The following NEK4 variants were observed in gnomAD, a reference collection of about 807,000 sequenced individuals.
The protein encoded by NEK4 is serine/threonine-protein kinase Nek4.
In NEK4, 86 loss-of-function variants were observed where a neutral mutation model predicts 98.4. The observed-to-expected ratio is 0.87, with a 90% CI of 0.73 to 1.05. NEK4 has a LOEUF of 1.05. NEK4 is among the 50% of genes least tolerant of loss of function. NEK4 has a pLI of 0.00. For synonymous variants in NEK4, 328 were observed against 342.2 expected (o/e 0.96, Z 0.46); for missense variants, 898 against 950.3 (o/e 0.94, Z 0.72).
In NEK4 at chr3:52,746,895, C is replaced by G. The variant is rs947499784; in HGVS notation, c.1516G>C (p.Ala506Pro). ...GVCHHAQDQV[A>P]GECIIEKQGR... The stretch of plus-strand genomic sequence containing the variant: ...TGTTTTTCTATAATACATTCACCAG[C>G]AACTTGATCCTTAAAAACAATAAAA... The change falls in exon 9 of 16, where the codon GCT becomes CCT. Residue 506 changes from alanine to proline, a missense_variant. By Grantham distance (27) the Ala-to-Pro change is conservative (BLOSUM62 -1). Transcript: ENST00000233027. 5.6e-6 allele frequency: 9 copies of G among 1,611,610 alleles called. No individual in the cohort carries two copies. Among genetic ancestry groups the G allele is most frequent in the Non-Finnish European group, 7.6e-6 (9 of 1,178,126 alleles).
Position 52,711,579 on chromosome 3 carries a change from G to GT in NEK4, c.*197dup. On this transcript the variant is annotated 3_prime_UTR_variant, in exon 16 of 16. Transcript: ENST00000233027. Reference sequence around the variant, plus strand: ...TCACAAAGAGAATATGAAAGCCAAAGTTTTTTTTCTTTTGTGATCCTGCTT... The same window carrying GT: ...TCACAAAGAGAATATGAAAGCCAAAGTTTTTTTTTCTTTTGTGATCCTGCTT... The GT allele has an allele frequency of 3.1e-5, 13 of 420,798 alleles. No homozygotes were observed. Among genetic ancestry groups the GT allele is most frequent in the Non-Finnish European group, 4.2e-5 (10 of 236,124 alleles). 26.1% of individuals were successfully genotyped at this position (420,798 alleles called of 1,614,324 possible).
chr3:52,720,326 C>CA (rs1010550001), intron 15 of NEK4, among the ~76,000 whole-genome samples: 9 of 144,840 alleles, frequency 6.2e-5, no homozygotes, highest in Non-Finnish European at 9.1e-5. Flanking sequence ...GACTCTGTCT[C>CA]AAAAAAAAGA....
chr3:52,715,318 C>T (rs35526119), intron 15 of NEK4, among the ~76,000 whole-genome samples: 69,336 of 152,062 alleles, frequency 0.46, 16,123 homozygotes, highest in Admixed American at 0.52. Context: ...TCAAGATGAG[C>T]GGGGCTAAAT....
At chr3:52,754,385 G>T in intron 6 of NEK4, 2 of 457,380 alleles carry the variant, frequency 4.4e-6, no homozygotes, top group South Asian at 1.9e-5. Context: ...CTACAAGATT[G>T]ATACAAAAAG....
At chr3:52,754,389 C>T (rs1489947182) in intron 6 of NEK4, 7 of 460,602 alleles carry the variant, frequency 1.5e-5, no homozygotes, top group Non-Finnish European at 2.2e-5. Flanking sequence ...AAGATTGATA[C>T]AAAAAGCCCC....
At chr3:52,758,320 G>C (rs1420168255) in intron 6 of NEK4, among the ~76,000 whole-genome samples, 2 of 151,894 alleles carry the variant, frequency 1.3e-5, no homozygotes, top group Non-Finnish European at 2.9e-5. Flanking sequence ...ATGAAGATGA[G>C]GGGTGATGGC....
At chr3:52,719,276 G>C (rs1019577877) in intron 15 of NEK4, among the ~76,000 whole-genome samples, 1 of 152,172 alleles carries the variant, frequency 6.6e-6, no homozygotes, top group African/African-American at 2.4e-5. Flanking sequence ...ATTCATTGGA[G>C]ATGTAAACTA....
chr3:52,770,702 C>G lies in NEK4; in HGVS notation c.45G>C (p.Gly15=). ...AYCYLRVVGK[G]SYGEVTLVKH... is the part of the protein sequence containing the mutation. ...TCACAAGCGTCACCTCTCCATAGCTCCCCTTGCCCACGACCCGCAGGTAGC... is the reference window on the plus strand; with the variant it reads ...TCACAAGCGTCACCTCTCCATAGCTGCCCTTGCCCACGACCCGCAGGTAGC... Residue 15 remains glycine (G), a synonymous_variant, in exon 1 of 16, where the codon GGG becomes GGC. Coordinates refer to ENST00000233027, the MANE Select transcript of NEK4 (RefSeq NM_003157.6). 6.3e-7 allele frequency: 1 copy of G among 1,578,244 alleles called. No individual in the cohort carries two copies. Among genetic ancestry groups the G allele is most frequent in the Non-Finnish European group, 8.6e-7 (1 of 1,163,144 alleles).
At chr3:52,723,040 C>CA (rs1378513659) in intron 15 of NEK4, among the ~76,000 whole-genome samples, 6 of 151,802 alleles carry the variant, frequency 4.0e-5, no homozygotes, top group Non-Finnish European at 8.8e-5. Context: ...CCTGTCTCTA[C>CA]AAAAAAATTT....
intron 15 of NEK4, chr3:52,734,875 T>A: frequency 3.7e-6 from 1 of 268,532 alleles, no homozygotes; most frequent in Non-Finnish European, 7.3e-6. Flanking sequence ...TAAAGGCTTG[T>A]GAACTGAAAC....
Position 52,763,503 on chromosome 3 carries a change from C to A in NEK4, c.788G>T (p.Arg263Leu). ...RSILRQPYIK[R>L]QISFFLEATK... ...GGCCTCCAAAAAGAAGGAGATTTGC[C>A]GCTTTATATAAGGCTGCCTCAGGAT... Residue 263 changes from arginine to leucine, a missense_variant, in exon 5 of 16, where the codon CGG (arginine) becomes CTG (leucine). Physicochemically the swap from Arg to Leu is moderately radical, Grantham distance 102. Coordinates refer to ENST00000233027, the MANE Select transcript of NEK4 (RefSeq NM_003157.6). 6.2e-7 allele frequency: 1 copy of A among 1,613,564 alleles called. No individual in the cohort carries two copies. The highest frequency in any genetic ancestry group is 8.5e-7 in the Non-Finnish European group (1 of 1,179,748).
rs71087016 is a variant in NEK4, at chr3:52,752,900, C to CAAAAAAAAAAAAA, written c.964-577_964-565dup. 5.8e-3 allele frequency among the ~76,000 whole-genome samples: 286 copies of CAAAAAAAAAAAAA among 49,588 alleles called. 28 individuals are homozygous for CAAAAAAAAAAAAA. The highest frequency in any genetic ancestry group is 7.4e-3 in the Non-Finnish European group (192 of 25,858). The allele number at this position is 49,588 out of a possible 152,430, so 32.5% of individuals were successfully genotyped here. A position where few individuals can be genotyped will look rare whatever the true frequency, so the allele number is the denominator to read the frequency against. On this transcript the variant is annotated intron_variant, in intron 6 of 15. Coordinates refer to ENST00000233027, the MANE Select transcript of NEK4 (RefSeq NM_003157.6). ...GGGCAACAGGAGTGAAACCCTGCCT[C>CAAAAAAAAAAAAA]AAAAAAAAAAAAAAAAAATATATAT...
At chr3:52,763,399 T>G in intron 5 of NEK4, 71 bp downstream of exon 5, 1 of 1,382,998 alleles carries the variant, frequency 7.2e-7, no homozygotes, top group South Asian at 1.4e-5. Context: ...TTCTTGCATA[T>G]GAATATTACA....
chr3:52,769,967 C>T (rs1448762751), intron 1 of NEK4, among the ~76,000 whole-genome samples: 1 of 152,120 alleles, frequency 6.6e-6, no homozygotes, highest in East Asian at 1.9e-4. Flanking sequence ...AGTTGGGAAA[C>T]CGTGGCCATA....
At chr3:52,763,649 T>C (rs1643151126) in intron 4 of NEK4, 25 bp from the exon 5 acceptor site, 1 of 1,537,622 alleles carries the variant, frequency 6.5e-7, no homozygotes, top group Admixed American at 1.9e-5. Context: ...AATATTGTAA[T>C]TATGACTAAT....
intron 15 of NEK4, among the ~76,000 whole-genome samples, chr3:52,715,536 G>A (rs935564599): frequency 6.6e-6 from 1 of 152,202 alleles, no homozygotes; most frequent in Non-Finnish European, 1.5e-5. Flanking sequence ...ACAGGCACAT[G>A]CCATCAGGCC....
At chr3:52,763,338 A>G (rs755327910) in intron 5 of NEK4, 132 bp downstream of exon 5, 101 of 942,682 alleles carry the variant, frequency 1.1e-4, no homozygotes, top group Non-Finnish European at 1.4e-4. Context: ...CCTCCTCTAC[A>G]TATGTAATCA....
At chr3:52,752,923 T>TACACACACACACAC (rs1559441314) in intron 6 of NEK4, among the ~76,000 whole-genome samples, 2 of 54,570 alleles carry the variant, frequency 3.7e-5, no homozygotes, top group African/African-American at 1.5e-4. Context: ...AAAAAATATA[T>TACACACACACACAC]ATATATATAT....
At chr3:52,764,971 T>C (rs1005753454) in intron 4 of NEK4, among the ~76,000 whole-genome samples, 9 of 152,318 alleles carry the variant, frequency 5.9e-5, no homozygotes, top group African/African-American at 2.2e-4. Flanking sequence ...CTTTTGTGTG[T>C]GTTTTTCAAT....
Sources: allele counts gnomAD v4.1 joint callset (sites outside exome capture counted in the v4.1 genomes callset), GRCh38; gene constraint gnomAD v4.1.1; transcripts MANE v1.5; gene names NCBI Gene and HGNC (gene_info 2026-07-23, HGNC 2026-07-21).